Variants in AUTS2 observed in about 807,000 individuals in gnomAD.
AUTS2 encodes activator of transcription and developmental regulator AUTS2, also known as autism susceptibility gene 2 protein.
In AUTS2, 17 loss-of-function variants were observed where a neutral mutation model predicts 112.4. That is an observed-to-expected ratio of 0.15 (90% CI 0.10 to 0.23). The LOEUF (loss-of-function observed/expected upper bound fraction) is 0.23. Among genes scored for constraint, AUTS2 ranks in the 10% least tolerant of loss-of-function variants. The pLI, the probability that AUTS2 is intolerant of heterozygous loss-of-function variation, is 1.00. For missense variants in AUTS2, 1,510 were observed against 1,701.6 expected, an observed-to-expected ratio of 0.89 and a Z score of 1.98; for synonymous variants, 751 against 702.7, an observed-to-expected ratio of 1.07 and a Z score of -1.09.
intron 2 of AUTS2, among the ~76,000 whole-genome samples, chr7:69,945,867 A>G (rs992254970): frequency 2.0e-5 from 3 of 152,122 alleles, no homozygotes; most frequent in Non-Finnish European, 2.9e-5. Flanking sequence ...TTTGTTTTCA[A>G]GATGGGCTCT....
chr7:69,909,045 A>T (rs1256560023), intron 2 of AUTS2, among the ~76,000 whole-genome samples: 1 of 152,196 alleles, frequency 6.6e-6, no homozygotes, highest in Non-Finnish European at 1.5e-5. Flanking sequence ...TTTTTAAATA[A>T]ACTGTACTTA....
chr7:69,865,510 T>A (rs1347236649), intron 1 of AUTS2, among the ~76,000 whole-genome samples: 1 of 152,184 alleles, frequency 6.6e-6, no homozygotes, highest in Non-Finnish European at 1.5e-5. Flanking sequence ...ACCCTCTAAT[T>A]TCCTAGTTCA....
chr7:69,983,327 G>A (rs1314209929), intron 2 of AUTS2, among the ~76,000 whole-genome samples: 1 of 151,406 alleles, frequency 6.6e-6, no homozygotes, highest in Non-Finnish European at 1.5e-5. Flanking sequence ...TTGTTTGGGG[G>A]CATTTATATA....
intron 1 of AUTS2, among the ~76,000 whole-genome samples, chr7:69,831,528 A>C (rs1235179758): frequency 6.6e-6 from 1 of 151,950 alleles, no homozygotes; most frequent in Non-Finnish European, 1.5e-5. Context: ...GTGCTGGAGA[A>C]CCTGGAAGGA....
intron 4 of AUTS2, among the ~76,000 whole-genome samples, chr7:70,351,987 G>A (rs1791788751): frequency 6.6e-6 from 1 of 152,200 alleles, no homozygotes; most frequent in Non-Finnish European, 1.5e-5. Flanking sequence ...ACAGGCATGA[G>A]CTACCAGGCC....
chr7:70,238,558 A>G (rs889521083), intron 4 of AUTS2, among the ~76,000 whole-genome samples: 1 of 152,142 alleles, frequency 6.6e-6, no homozygotes, highest in African/African-American at 2.4e-5. Flanking sequence ...CTGTCCAAGG[A>G]GTCAGATGCT....
chr7:70,049,990 C>A (rs932464914), intron 2 of AUTS2, among the ~76,000 whole-genome samples: 11 of 152,036 alleles, frequency 7.2e-5, no homozygotes, highest in African/African-American at 2.4e-4. Flanking sequence ...AACAGAAATT[C>A]CAAATTTAGG....
At position 70,737,786 on chromosome 7, in the gene AUTS2, C is replaced by T. The variant is rs6971148; in HGVS notation, c.743-25084C>T. On this transcript the variant is annotated intron_variant, in intron 6 of 18. Coordinates refer to ENST00000342771, the MANE Select transcript of AUTS2 (RefSeq NM_015570.4). ...CCAGGGGGGTGAAGAGAAGTCCTGA[C>T]CTATTTTAGAGCCCTTGGGCTTCAT... Among the ~76,000 whole-genome samples, 1,022 of 152,278 alleles carry T rather than the reference C, an allele frequency of 6.7e-3. 14 individuals are homozygous for T. The highest frequency in any genetic ancestry group is 0.023 in the African/African-American group (941 of 41,556).
intron 1 of AUTS2, among the ~76,000 whole-genome samples, chr7:69,733,008 C>G (rs1281736920): frequency 6.6e-6 from 1 of 152,178 alleles, no homozygotes; most frequent in Non-Finnish European, 1.5e-5. Context: ...TTGAGAAGAA[C>G]AGAGCCCACT....
At chr7:70,186,431 G>A (rs141420471) in intron 4 of AUTS2, among the ~76,000 whole-genome samples, 1 of 152,174 alleles carries the variant, frequency 6.6e-6, no homozygotes, top group African/African-American at 2.4e-5. Context: ...AGTTTTGATG[G>A]TGGTTATATT....
chr7:70,358,476 C>G (rs1475398481), intron 4 of AUTS2, among the ~76,000 whole-genome samples: 1 of 152,210 alleles, frequency 6.6e-6, no homozygotes, highest in Non-Finnish European at 1.5e-5. Flanking sequence ...TTTGCCCTCA[C>G]CAGCCCAGTA....
At chr7:69,830,677 A>G (rs993494227) in intron 1 of AUTS2, among the ~76,000 whole-genome samples, 3 of 152,190 alleles carry the variant, frequency 2.0e-5, no homozygotes, top group African/African-American at 7.2e-5. Context: ...ATAGCTTGCA[A>G]TGGAGCATAT....
At chr7:70,300,893 G>C (rs969129344) in intron 4 of AUTS2, among the ~76,000 whole-genome samples, 1 of 152,156 alleles carries the variant, frequency 6.6e-6, no homozygotes, top group Non-Finnish European at 1.5e-5. Context: ...TGCATAGATT[G>C]TAAGGGCACA....
intron 4 of AUTS2, among the ~76,000 whole-genome samples, chr7:70,236,877 G>A (rs1812355581): frequency 6.6e-6 from 1 of 152,162 alleles, no homozygotes; most frequent in African/African-American, 2.4e-5. Context: ...CAGCATGCAT[G>A]GGAGAGGGGG....
At chr7:70,284,446 C>G (rs62455162) in intron 4 of AUTS2, among the ~76,000 whole-genome samples, 1 of 152,044 alleles carries the variant, frequency 6.6e-6, no homozygotes, top group Admixed American at 6.6e-5. Context: ...TGGGAAGGGA[C>G]CATTTCCTCA....
chr7:70,438,391 G>T (rs144193182), intron 5 of AUTS2, among the ~76,000 whole-genome samples: 1 of 152,068 alleles, frequency 6.6e-6, no homozygotes, highest in Non-Finnish European at 1.5e-5. Context: ...GATTCATGGC[G>T]CACCTCCTGC....
chr7:70,698,065 GAT>G (rs2129547390), intron 5 of AUTS2, among the ~76,000 whole-genome samples: 2 of 152,198 alleles, frequency 1.3e-5, no homozygotes, highest in South Asian at 4.2e-4. Flanking sequence ...AAGGGACAGG[GAT>G]CTTGGAGTCA....
Position 70,117,168 on chromosome 7 carries a change from A to C in AUTS2, c.523-964A>C, listed in dbSNP as rs1584747361. On this transcript the variant is annotated intron_variant, in intron 2 of 18. Transcript: ENST00000342771. ...TTTTTTGGTGTAGTACCATATCTTC[A>C]GCACTTAGTTCTAGCCCATATGTGG... Among the ~76,000 whole-genome samples the C allele has an allele frequency of 5.7e-5, 7 of 123,722 alleles. No homozygotes were observed. The South Asian group carries it at 1.7e-3, about 30-fold the overall frequency. 81.2% of individuals were successfully genotyped at this position (123,722 alleles called of 152,430 possible).
At chr7:70,739,024 T>TTTTTTTTTTTTTTG in intron 6 of AUTS2, among the ~76,000 whole-genome samples, 1 of 128,506 alleles carries the variant, frequency 7.8e-6, no homozygotes, top group Non-Finnish European at 1.7e-5. Context: ...TTTTTTTTTT[T>TTTTTTTTTTTTTTG]TTTTTTTTTT....
Sources: allele counts gnomAD v4.1 joint callset (sites outside exome capture counted in the v4.1 genomes callset), GRCh38; gene constraint gnomAD v4.1.1; transcripts MANE v1.5; gene names NCBI Gene and HGNC (gene_info 2026-07-23, HGNC 2026-07-21).